Variants in CSMD1 observed in about 807,000 individuals in gnomAD.
CSMD1 encodes CUB and Sushi multiple domains 1.
Under a neutral mutation model 417.5 loss-of-function variants are expected in CSMD1, and 213 were observed. That is an observed-to-expected ratio of 0.51 (90% CI 0.46 to 0.57). The LOEUF is 0.57. Ranked by LOEUF, CSMD1 falls within the 20% of genes least tolerant of loss-of-function variation. The pLI is 0.00. For missense variants in CSMD1, 6,923 were observed against 4,529.7 expected (o/e 1.53, Z -15.17); for synonymous variants, 2,862 against 1,736.8 (o/e 1.65, Z -16.11).
At chr8:3,418,706 A>G (rs1049208170) in intron 12 of CSMD1, among the ~76,000 whole-genome samples, 1 of 152,158 alleles carries the variant, frequency 6.6e-6, no homozygotes, top group African/African-American at 2.4e-5. Flanking sequence ...AGAAATCTAC[A>G]TTAACATCAC....
At chr8:3,055,593 A>G (rs1812160908) in intron 49 of CSMD1, among the ~76,000 whole-genome samples, 2 of 152,150 alleles carry the variant, frequency 1.3e-5, no homozygotes, top group African/African-American at 4.8e-5. Flanking sequence ...ATAGATCACT[A>G]TTTTTTTAAA....
chr8:3,890,941 C>A (rs1458282343), intron 5 of CSMD1, among the ~76,000 whole-genome samples: 1 of 141,790 alleles, frequency 7.1e-6, no homozygotes, highest in Admixed American at 6.8e-5. Flanking sequence ...TCTCATACGA[C>A]TCTCATACGA....
At chr8:3,296,629 C>T (rs1006508467) in intron 25 of CSMD1, among the ~76,000 whole-genome samples, 2 of 152,088 alleles carry the variant, frequency 1.3e-5, no homozygotes, top group African/African-American at 4.8e-5. Flanking sequence ...GGCGTATGTG[C>T]TGAGATGAGC....
chr8:4,103,146 T>C (rs983054873), intron 3 of CSMD1, among the ~76,000 whole-genome samples: 23 of 152,128 alleles, frequency 1.5e-4, no homozygotes, highest in African/African-American at 5.3e-4. Flanking sequence ...TTTTGCAAAG[T>C]AGCCACAACT....
At chr8:4,058,238 G>GAGGTCCT (rs1798798359) in intron 3 of CSMD1, among the ~76,000 whole-genome samples, 1 of 152,032 alleles carries the variant, frequency 6.6e-6, no homozygotes, top group African/African-American at 2.4e-5. Context: ...TCTCCTTGAA[G>GAGGTCCT]AGGTCCTTCA....
intron 6 of CSMD1, among the ~76,000 whole-genome samples, chr8:3,752,663 A>C (rs28443192): frequency 1.4e-4 from 15 of 103,826 alleles, no homozygotes; most frequent in African/African-American, 5.7e-4. Context: ...ACTGCCACCC[A>C]CTCCCCGCCT....
chr8:3,916,747 C>G (rs1808856242), intron 5 of CSMD1, among the ~76,000 whole-genome samples: 1 of 152,016 alleles, frequency 6.6e-6, no homozygotes. Context: ...GAGAATGTGT[C>G]ACAAAACTAG....
At chr8:4,406,054 C>A (rs1043598699) in intron 3 of CSMD1, among the ~76,000 whole-genome samples, 1 of 152,136 alleles carries the variant, frequency 6.6e-6, no homozygotes, top group African/African-American at 2.4e-5. Flanking sequence ...GGAAACAATG[C>A]CAGCAACTTT....
chr8:3,675,264 C>T (rs970637288), intron 7 of CSMD1, among the ~76,000 whole-genome samples: 19 of 152,288 alleles, frequency 1.2e-4, no homozygotes, highest in Admixed American at 6.5e-4. Flanking sequence ...CTGGCATGTG[C>T]GTGCCATTCC....
rs77957797 is a variant in CSMD1, at chr8:4,095,704, G to C, written c.416-63605C>G. Among the ~76,000 whole-genome samples, 134 of 152,218 alleles carry C rather than the reference G, an allele frequency of 8.8e-4. 1 individual carries two copies. In the East Asian group the frequency reaches 0.022, roughly 25 times the overall value. ...TAAAAGGTTATAGAAGCTATGATGAGGTGCATCCGTACTTCAATTTGTTCA... is the reference window on the plus strand; with the variant it reads ...TAAAAGGTTATAGAAGCTATGATGACGTGCATCCGTACTTCAATTTGTTCA... On this transcript the variant is annotated intron_variant, in intron 3 of 69. Transcript: ENST00000635120.
chr8:3,718,676 T>G (rs1430926401), intron 6 of CSMD1, among the ~76,000 whole-genome samples: 2 of 152,188 alleles, frequency 1.3e-5, no homozygotes, highest in African/African-American at 2.4e-5. Context: ...CCACAAAACC[T>G]TGATGACTGA....
chr8:3,818,601 A>G (rs1801531662), intron 5 of CSMD1, among the ~76,000 whole-genome samples: 1 of 151,864 alleles, frequency 6.6e-6, no homozygotes, highest in Non-Finnish European at 1.5e-5. Flanking sequence ...AAGTGCTAGA[A>G]AAGGGAGAAA....
intron 3 of CSMD1, among the ~76,000 whole-genome samples, chr8:4,275,797 G>C (rs1796451981): frequency 6.6e-6 from 1 of 151,992 alleles, no homozygotes; most frequent in Admixed American, 6.6e-5. Context: ...CTATAACTTT[G>C]GCATGACTAA....
At chr8:4,553,262 C>T (rs1797948584) in intron 2 of CSMD1, among the ~76,000 whole-genome samples, 1 of 152,160 alleles carries the variant, frequency 6.6e-6, no homozygotes, top group Admixed American at 6.6e-5. Flanking sequence ...TGTAACAGTT[C>T]CTCATTCCAC....
At chr8:3,134,053 C>T (rs1215879994) in intron 41 of CSMD1, among the ~76,000 whole-genome samples, 2 of 152,084 alleles carry the variant, frequency 1.3e-5, no homozygotes, top group East Asian at 3.9e-4. Flanking sequence ...TGGCAGGCAC[C>T]TGCAGTCCCA....
At chr8:4,060,202 A>G (rs1212047093) in intron 3 of CSMD1, among the ~76,000 whole-genome samples, 2 of 149,074 alleles carry the variant, frequency 1.3e-5, no homozygotes, top group Non-Finnish European at 3.0e-5. Flanking sequence ...CCACATGATT[A>G]TTTCAATAGA....
At chr8:2,995,840 C>T (rs1806845714) in intron 54 of CSMD1, among the ~76,000 whole-genome samples, 1 of 152,148 alleles carries the variant, frequency 6.6e-6, no homozygotes, top group Non-Finnish European at 1.5e-5. Flanking sequence ...ATATAACATT[C>T]TTGAAGGGAG....
chr8:3,392,752 G>A (rs933687291), intron 17 of CSMD1, among the ~76,000 whole-genome samples: 1 of 152,220 alleles, frequency 6.6e-6, no homozygotes, highest in East Asian at 1.9e-4. Flanking sequence ...GGATGTGTTA[G>A]TGCACTATGA....
intron 1 of CSMD1, among the ~76,000 whole-genome samples, chr8:4,680,217 C>A (rs1338273088): frequency 6.6e-6 from 1 of 152,168 alleles, no homozygotes; most frequent in African/African-American, 2.4e-5. Context: ...TGCAAAAATG[C>A]ATGCTGTGCT....
Sources: gnomAD v4.1 joint callset for allele counts (sites outside exome capture counted in the v4.1 genomes callset) on GRCh38, gnomAD v4.1.1 for gene constraint, MANE v1.5 for transcripts, NCBI Gene and HGNC (gene_info 2026-07-23, HGNC 2026-07-21) for gene names.